The following GPR83 variants were observed in gnomAD, a reference collection of about 807,000 sequenced individuals.
GPR83 encodes G protein-coupled receptor 83.
Under a neutral mutation model 28.0 loss-of-function variants are expected in GPR83, and 23 were observed. The observed-to-expected ratio is 0.82, with a 90% CI of 0.59 to 1.16. The LOEUF is 1.16. Ranked by LOEUF, GPR83 falls within the 50% of genes most tolerant of loss-of-function variation. The probability of loss-of-function intolerance (pLI) is 0.00; values close to 1 mark genes in which losing one functional copy is unlikely to be tolerated. For missense variants in GPR83, 610 were observed against 536.6 expected, an observed-to-expected ratio of 1.14 and a Z score of -1.35; for synonymous variants, 234 against 215.4, an observed-to-expected ratio of 1.09 and a Z score of -0.76.
Position 94,380,514 on chromosome 11 carries a change from G to C in GPR83, c.907C>G (p.Leu303Val). ...MLMLVVVLFA[L>V]CWFPLNCYVL... ...TAGCAGTTGAGGGGGAACCAGCAGA[G>C]GGCAAAGAGGACTACCACCAGCATC... Residue 303 changes from leucine (L) to valine (V), a missense_variant, in exon 4 of 4, where the codon CTC (leucine) becomes GTC (valine). Physicochemically the swap from Leu to Val is conservative, Grantham distance 32 (BLOSUM62 1). Coordinates refer to ENST00000243673, the MANE Select transcript of GPR83 (RefSeq NM_016540.4). 1 of 1,614,216 alleles carries C rather than the reference G, an allele frequency of 6.2e-7. No homozygotes were observed. Among genetic ancestry groups the C allele is most frequent in the Non-Finnish European group, 8.5e-7 (1 of 1,180,034 alleles).
chr11:94,381,736 G>A (rs1944692451), intron 3 of GPR83, among the ~76,000 whole-genome samples: 1 of 152,080 alleles, frequency 6.6e-6, no homozygotes, highest in African/African-American at 2.4e-5. Flanking sequence ...CCCTTCCCAC[G>A]ATTCACTACA....
At chr11:94,396,607 CT>C in intron 1 of GPR83, 83 bp from the exon 2 acceptor site, 2 of 1,391,664 alleles carry the variant, frequency 1.4e-6, no homozygotes, top group Non-Finnish European at 2.0e-6. Flanking sequence ...GGAGCATGCC[CT>C]TAGGGGGATT....
chr11:94,385,174 C>G (rs1944739141), intron 3 of GPR83, among the ~76,000 whole-genome samples: 1 of 152,108 alleles, frequency 6.6e-6, no homozygotes, highest in South Asian at 2.1e-4. Context: ...ACAGAAAGGA[C>G]ATCCACACCA....
chr11:94,390,300 C>G (rs182553536), intron 3 of GPR83, among the ~76,000 whole-genome samples: 40 of 151,838 alleles, frequency 2.6e-4, no homozygotes, highest in Admixed American at 6.6e-4. Context: ...GCACACCTAC[C>G]CTAAAACTTA....
chr11:94,386,361 A>T (rs959859958), intron 3 of GPR83, among the ~76,000 whole-genome samples: 1 of 152,208 alleles, frequency 6.6e-6, no homozygotes, highest in Non-Finnish European at 1.5e-5. Context: ...TTAACCTTAA[A>T]TGTAAATGGG....
intron 3 of GPR83, among the ~76,000 whole-genome samples, chr11:94,385,448 G>GA (rs1445018686): frequency 2.0e-5 from 3 of 152,050 alleles, no homozygotes; most frequent in African/African-American, 7.2e-5. Flanking sequence ...TAAAAACCTT[G>GA]AAAAAAGATT....
Position 94,380,159 on chromosome 11 carries a change from G to A in GPR83, c.1262C>T (p.Thr421Met), listed in dbSNP as rs144674806. The change falls in exon 4 of 4, where the codon ACG (threonine) becomes ATG (methionine). Residue 421 changes from threonine (T) to methionine (M), a missense_variant. Coordinates refer to ENST00000243673, the MANE Select transcript of GPR83 (RefSeq NM_016540.4). The part of the protein sequence containing the change: ...TDLSSVEPIV[T>M]MS ...TCTTCCCAACCTCTTCTAACTCATC[G>A]TCACAATGGGTTCCACAGATGACAG... is the stretch of plus-strand genomic sequence containing the variant. The A allele has an allele frequency of 1.3e-4, 202 of 1,511,476 alleles. No homozygotes were observed. Among genetic ancestry groups the A allele is most frequent in the East Asian group, 6.8e-4 (30 of 43,914 alleles). 93.6% of individuals were successfully genotyped at this position (1,511,476 alleles called of 1,614,324 possible).
intron 1 of GPR83, among the ~76,000 whole-genome samples, chr11:94,397,931 A>T: frequency 6.6e-6 from 1 of 152,230 alleles, no homozygotes; most frequent in Non-Finnish European, 1.5e-5. Context: ...TTCTTTGCAG[A>T]GGACAGGGAG....
intron 3 of GPR83, among the ~76,000 whole-genome samples, chr11:94,391,441 A>G (rs1944815718): frequency 6.6e-6 from 1 of 152,224 alleles, no homozygotes; most frequent in Non-Finnish European, 1.5e-5. Flanking sequence ...TACCAAAAGC[A>G]ATGGCAACAA....
intron 1 of GPR83, among the ~76,000 whole-genome samples, chr11:94,397,314 C>G (rs540102089): frequency 2.0e-5 from 3 of 152,270 alleles, no homozygotes; most frequent in South Asian, 4.1e-4. Context: ...ACGTCCCATG[C>G]CTGAGAGAGA....
intron 3 of GPR83, among the ~76,000 whole-genome samples, chr11:94,389,272 T>C (rs973901245): frequency 6.6e-6 from 1 of 152,190 alleles, no homozygotes; most frequent in Non-Finnish European, 1.5e-5. Context: ...GGGCAAGGAC[T>C]TCATGTCTAA....
chr11:94,388,589 T>C (rs1944782895), intron 3 of GPR83, among the ~76,000 whole-genome samples: 1 of 151,978 alleles, frequency 6.6e-6, no homozygotes, highest in African/African-American at 2.4e-5. Context: ...TCAAAGACAA[T>C]AAAATACCTA....
At chr11:94,381,602 G>A (rs947432514) in intron 3 of GPR83, among the ~76,000 whole-genome samples, 1 of 138,798 alleles carries the variant, frequency 7.2e-6, no homozygotes, top group Non-Finnish European at 1.6e-5. Flanking sequence ...AGGTGGGGTG[G>A]CACATGGCTC....
chr11:94,387,738 C>T (rs1258437431), intron 3 of GPR83, among the ~76,000 whole-genome samples: 6 of 152,170 alleles, frequency 3.9e-5, no homozygotes, highest in Non-Finnish European at 7.3e-5. Flanking sequence ...CAGCCGATTT[C>T]TACCAGAGGT....
intron 3 of GPR83, among the ~76,000 whole-genome samples, chr11:94,386,222 T>A (rs1020138039): frequency 1.3e-5 from 2 of 152,128 alleles, no homozygotes; most frequent in South Asian, 4.1e-4. Context: ...AAGGAACAAC[T>A]GGTACCAGCC....
intron 3 of GPR83, among the ~76,000 whole-genome samples, chr11:94,381,319 A>G (rs1168312318): frequency 6.6e-6 from 1 of 152,004 alleles, no homozygotes; most frequent in Non-Finnish European, 1.5e-5. Flanking sequence ...TTGGTGCTCT[A>G]GTTCTATGTC....
intron 3 of GPR83, among the ~76,000 whole-genome samples, chr11:94,390,128 C>T (rs899884268): frequency 6.6e-6 from 1 of 151,274 alleles, no homozygotes; most frequent in South Asian, 2.1e-4. Flanking sequence ...AATGAGAACA[C>T]TTGGACACAG....
intron 3 of GPR83, among the ~76,000 whole-genome samples, chr11:94,387,794 T>C (rs868559031): frequency 2.6e-5 from 4 of 151,586 alleles, no homozygotes; most frequent in African/African-American, 4.9e-5. Context: ...TTCCAATCAA[T>C]AGAAAAAGAG....
rs1315852607 is a variant in GPR83 at position 94,379,016 on chromosome 11, A to T, written c.*1133T>A. On this transcript the variant is annotated 3_prime_UTR_variant, in exon 4 of 4. Coordinates refer to ENST00000243673, the MANE Select transcript of GPR83 (RefSeq NM_016540.4). ...ACCTCTTCTTCAACTCTTCTGGTGG[A>T]CACCCCTGGGAAAGGTACCCCTGTT... 1 of 152,204 alleles carries T rather than the reference A, an allele frequency of 6.6e-6. No homozygotes were observed. Among genetic ancestry groups the T allele is most frequent in the Non-Finnish European group, 1.5e-5 (1 of 68,132 alleles). The allele number at this position is 152,204 out of a possible 1,614,324, so 9.4% of individuals were successfully genotyped here. A position where few individuals can be genotyped will look rare whatever the true frequency, so the allele number is the denominator to read the frequency against.
Sources: gnomAD v4.1 joint callset for allele counts (sites outside exome capture counted in the v4.1 genomes callset) on GRCh38, gnomAD v4.1.1 for gene constraint, MANE v1.5 for transcripts, NCBI Gene and HGNC (gene_info 2026-07-23, HGNC 2026-07-21) for gene names.